Variants in TTC27 observed in about 807,000 individuals in gnomAD.
The protein encoded by TTC27 is tetratricopeptide repeat domain 27.
A neutral mutation model predicts 115.9 loss-of-function variants in TTC27; 79 were observed. That is an observed-to-expected ratio of 0.68 (90% CI 0.57 to 0.82). TTC27 has a LOEUF of 0.82. Ranked by LOEUF, TTC27 falls within the 40% of genes least tolerant of loss-of-function variation. The pLI, the probability that TTC27 is intolerant of heterozygous loss-of-function variation, is 0.00. For synonymous variants in TTC27, 401 were observed against 356.0 expected (o/e 1.13, Z -1.42); for missense variants, 1,054 against 993.1 (o/e 1.06, Z -0.82).
chr2:32,709,521 G>T (rs4952285), intron 10 of TTC27, among the ~76,000 whole-genome samples: 1 of 152,098 alleles, frequency 6.6e-6, no homozygotes, highest in East Asian at 1.9e-4. Flanking sequence ...CATGTTACTA[G>T]GGTACAACAC....
chr2:32,680,946 G>A (rs944524165), intron 9 of TTC27, among the ~76,000 whole-genome samples: 1 of 152,012 alleles, frequency 6.6e-6, no homozygotes, highest in Non-Finnish European at 1.5e-5. Flanking sequence ...TGCACTGTGA[G>A]GTACCTGTGA....
At chr2:32,692,148 T>A (rs1332381504) in intron 9 of TTC27, among the ~76,000 whole-genome samples, 1 of 142,136 alleles carries the variant, frequency 7.0e-6, no homozygotes, top group Non-Finnish European at 1.5e-5. Context: ...CCCAAAGTGC[T>A]GGGATTATAG....
At chr2:32,672,038 G>C (rs1014251280) in intron 7 of TTC27, among the ~76,000 whole-genome samples, 3 of 152,192 alleles carry the variant, frequency 2.0e-5, no homozygotes, top group African/African-American at 4.8e-5. Context: ...ATCAGTGATA[G>C]CTGTTATTCC....
chr2:32,812,881 A>G (rs1452430076), intron 18 of TTC27, among the ~76,000 whole-genome samples: 1 of 152,232 alleles, frequency 6.6e-6, no homozygotes, highest in Admixed American at 6.5e-5. Context: ...GATGTGAAAC[A>G]TCTTTACAAC....
intron 9 of TTC27, among the ~76,000 whole-genome samples, chr2:32,680,181 A>G (rs72858160): frequency 0.017 from 2,603 of 152,096 alleles, 71 homozygotes; most frequent in African/African-American, 0.06. Context: ...TCATCATATT[A>G]TGTGTGTTTT....
intron 13 of TTC27, chr2:32,766,385 ATG>A: frequency 4.0e-6 from 1 of 249,894 alleles, no homozygotes; most frequent in African/African-American, 2.2e-5. Flanking sequence ...AAAGTAGGGT[ATG>A]TGTGACTCTT....
intron 13 of TTC27, among the ~76,000 whole-genome samples, chr2:32,776,447 A>G (rs1399064518): frequency 6.6e-6 from 1 of 152,224 alleles, no homozygotes; most frequent in Non-Finnish European, 1.5e-5. Flanking sequence ...CTGTCCAAGT[A>G]AATCTGACAG....
At chr2:32,680,851 G>C (rs778302225) in intron 9 of TTC27, among the ~76,000 whole-genome samples, 1 of 152,164 alleles carries the variant, frequency 6.6e-6, no homozygotes, top group Non-Finnish European at 1.5e-5. Flanking sequence ...CATTCAAACA[G>C]TTAATTTTTT....
intron 10 of TTC27, among the ~76,000 whole-genome samples, chr2:32,719,900 C>T (rs1667866744): frequency 6.6e-6 from 1 of 152,148 alleles, no homozygotes; most frequent in South Asian, 2.1e-4. Flanking sequence ...AAATATTGAT[C>T]ATGAGGGTAA....
At chr2:32,646,957 TG>T (rs1204971645) in intron 4 of TTC27, among the ~76,000 whole-genome samples, 2 of 151,804 alleles carry the variant, frequency 1.3e-5, no homozygotes, top group African/African-American at 4.8e-5. Context: ...GCATATTATA[TG>T]TTTTTTTTTG....
rs144414767 is a variant in TTC27, at chr2:32,752,665, C to G, written c.1453-5627C>G. 9.1e-4 allele frequency among the ~76,000 whole-genome samples: 138 copies of G among 152,240 alleles called. 3 individuals are homozygous for G. Among genetic ancestry groups the G allele is most frequent in the Admixed American group, 8.4e-3 (128 of 15,288 alleles). ...TTTGCATGTTGGTTTATTTTTATGT[C>G]TGAAGGCAGTGAGGGATGGAAGGGT... is the stretch of plus-strand genomic sequence containing the variant. On this transcript the variant is annotated intron_variant, in intron 12 of 19. Coordinates refer to ENST00000317907, the MANE Select transcript of TTC27 (RefSeq NM_017735.5).
chr2:32,774,324 A>G (rs1378400051), intron 13 of TTC27, among the ~76,000 whole-genome samples: 1 of 151,540 alleles, frequency 6.6e-6, no homozygotes, highest in African/African-American at 2.4e-5. Context: ...GGGATTACAG[A>G]CGCATGCCTG....
chr2:32,702,075 CAG>C (rs1667206850), intron 9 of TTC27, among the ~76,000 whole-genome samples: 1 of 151,580 alleles, frequency 6.6e-6, no homozygotes, highest in Non-Finnish European at 1.5e-5. Flanking sequence ...ATCCTGCTCT[CAG>C]AGATCTGATA....
chr2:32,692,036 G>GGTTT (rs1666830490), intron 9 of TTC27, among the ~76,000 whole-genome samples: 1 of 61,190 alleles, frequency 1.6e-5, no homozygotes, highest in Non-Finnish European at 2.9e-5. Flanking sequence ...AATTTTTTAG[G>GGTTT]TTTTTTTTTT....
intron 16 of TTC27, among the ~76,000 whole-genome samples, chr2:32,808,166 C>G (rs1218382669): frequency 6.6e-6 from 1 of 152,024 alleles, no homozygotes; most frequent in Non-Finnish European, 1.5e-5. Context: ...AATTCCCGAC[C>G]TCATGTGATC....
chr2:32,666,431 C>A (rs1010655456), intron 6 of TTC27, among the ~76,000 whole-genome samples: 1 of 150,592 alleles, frequency 6.6e-6, no homozygotes, highest in Admixed American at 6.6e-5. Flanking sequence ...GGCAGAAATC[C>A]TGGGTTTGAG....
chr2:32,670,011 G>C (rs943050225), intron 7 of TTC27, among the ~76,000 whole-genome samples: 2 of 151,462 alleles, frequency 1.3e-5, no homozygotes, highest in South Asian at 4.2e-4. Flanking sequence ...CCGAGTAGCT[G>C]AGACTACAGC....
chr2:32,767,481 C>G (rs1669677074), intron 13 of TTC27, among the ~76,000 whole-genome samples: 1 of 111,526 alleles, frequency 9.0e-6, no homozygotes, highest in Admixed American at 1.3e-4. Context: ...GAGACAGAGT[C>G]TCGCTCTGTC....
At chr2:32,766,538 C>A in intron 13 of TTC27, 2 of 410,362 alleles carry the variant, frequency 4.9e-6, no homozygotes, top group Non-Finnish European at 1.0e-5. Context: ...AGAACATACA[C>A]AGCATTTATC....
Sources: gnomAD v4.1 joint callset for allele counts (sites outside exome capture counted in the v4.1 genomes callset) on GRCh38, gnomAD v4.1.1 for gene constraint, MANE v1.5 for transcripts, NCBI Gene and HGNC (gene_info 2026-07-23, HGNC 2026-07-21) for gene names.